HBP1: variants seen among roughly 807,000 people sequenced by gnomAD.
The protein encoded by HBP1 is HMG box-containing protein 1.
In HBP1, 20 loss-of-function variants were observed where a neutral mutation model predicts 62.6. That is an observed-to-expected ratio of 0.32 (90% confidence interval 0.22 to 0.46). The LOEUF (loss-of-function observed/expected upper bound fraction) is 0.46. Ranked by LOEUF, HBP1 falls within the 20% of genes least tolerant of loss-of-function variation. The pLI is 1.00. For synonymous variants in HBP1, 232 were observed against 206.2 expected, an observed-to-expected ratio of 1.12 and a Z score of -1.07; for missense variants, 480 against 611.8, an observed-to-expected ratio of 0.78 and a Z score of 2.27.
At chr7:107,193,149 T>G (rs967696185) in intron 8 of HBP1, 2 of 152,200 alleles carry the variant, frequency 1.3e-5, no homozygotes, top group African/African-American at 4.8e-5. Context: ...CTTCTAGGCC[T>G]CAGGCGGGTT....
At chr7:107,189,854 T>G (rs143980656) in intron 7 of HBP1, 8 of 247,988 alleles carry the variant, frequency 3.2e-5, no homozygotes, top group Non-Finnish European at 4.6e-5. Context: ...TTTCATGGTC[T>G]CAGTCATTTA....
At chr7:107,195,370 C>G (rs1797843298) in intron 8 of HBP1, among the ~76,000 whole-genome samples, 1 of 152,108 alleles carries the variant, frequency 6.6e-6, no homozygotes. Flanking sequence ...CTTTCCCAAC[C>G]ATTTGTTTTC....
In HBP1 at chr7:107,186,462, T is replaced by G; in HGVS notation, c.642T>G (p.Cys214Trp). 6.2e-7 allele frequency: 1 copy of G among 1,608,000 alleles called. No homozygotes were observed. The highest frequency in any genetic ancestry group is 8.5e-7 in the Non-Finnish European group (1 of 1,175,390). ...CCTGGCCTTCAACTGTCTGGCACTG[T>G]TTTTTGAAAGGTAAAACAAACAAAC... ...CNSWPSTVWH[C>W]FLKGTRLCFH... Residue 214 changes from cysteine to tryptophan, a missense_variant, in exon 5 of 11, where the codon TGT (cysteine) becomes TGG (tryptophan). By Grantham distance (215) the Cys-to-Trp change is radical. Transcript: ENST00000222574.
chr7:107,181,892 A>C (rs776754231), intron 2 of HBP1, among the ~76,000 whole-genome samples: 1 of 152,116 alleles, frequency 6.6e-6, no homozygotes, highest in Non-Finnish European at 1.5e-5. Context: ...TTAGGAATGC[A>C]CTTATAGGAA....
At chr7:107,197,873 G>C (rs1798001397) in intron 9 of HBP1, among the ~76,000 whole-genome samples, 1 of 152,200 alleles carries the variant, frequency 6.6e-6, no homozygotes, top group Non-Finnish European at 1.5e-5. Context: ...AGAGTAATTT[G>C]TACCTTTCCC....
rs201048018 is a variant in HBP1, at chr7:107,195,815, A to T, written c.1068-19A>T. The T allele has an allele frequency of 1.1e-4, 130 of 1,134,072 alleles. 1 individual carries two copies. Among genetic ancestry groups the T allele is most frequent in the East Asian group, 3.5e-4 (13 of 37,588 alleles). 70.3% of individuals were successfully genotyped at this position (1,134,072 alleles called of 1,614,324 possible). Reference sequence around the variant, plus strand: ...TTCAAAATTGAATTAAAATATTATTATTTTTTTTAATTTTATAGCTATGAC... The same window carrying T: ...TTCAAAATTGAATTAAAATATTATTTTTTTTTTTAATTTTATAGCTATGAC... On this transcript the variant is annotated intron_variant, in intron 8 of 10. Coordinates refer to ENST00000222574, the MANE Select transcript of HBP1 (RefSeq NM_012257.4).
chr7:107,173,805 A>T (rs1796715115), intron 1 of HBP1, among the ~76,000 whole-genome samples: 1 of 152,258 alleles, frequency 6.6e-6, no homozygotes, highest in Non-Finnish European at 1.5e-5. Context: ...AGAATCACTG[A>T]TCTCGTGAAG....
intron 1 of HBP1, chr7:107,169,872 C>G: frequency 1.0e-6 from 1 of 985,518 alleles, no homozygotes; most frequent in Non-Finnish European, 1.2e-6. Flanking sequence ...TTGGCGTGAA[C>G]CGGGAGGCAC....
Position 107,185,789 on chromosome 7 carries a change from G to C in HBP1, c.399-12G>C. On this transcript the variant is annotated splice_polypyrimidine_tract_variant and intron_variant, in intron 3 of 10. Transcript: ENST00000222574. ...ACCTATGCTTATGGTTGAAACTGTT[G>C]CTTTATTTTAGATCATCTCCTGTAC... 1.2e-6 allele frequency: 2 copies of C among 1,607,554 alleles called. No homozygotes were observed. Among genetic ancestry groups the C allele is most frequent in the Non-Finnish European group, 1.7e-6 (2 of 1,175,084 alleles).
intron 3 of HBP1, among the ~76,000 whole-genome samples, chr7:107,184,477 A>G (rs1243213654): frequency 6.6e-6 from 1 of 152,212 alleles, no homozygotes; most frequent in Non-Finnish European, 1.5e-5. Context: ...CTCAGGGAAT[A>G]AGGGAAAAAT....
chr7:107,193,001 C>T (rs1797726631), intron 8 of HBP1: 1 of 152,154 alleles, frequency 6.6e-6, no homozygotes, highest in Non-Finnish European at 1.5e-5. Context: ...ATTCTCGGGT[C>T]ATGGTTTACA....
At chr7:107,175,240 G>C (rs1012734535) in intron 1 of HBP1, among the ~76,000 whole-genome samples, 3 of 151,954 alleles carry the variant, frequency 2.0e-5, no homozygotes, top group African/African-American at 7.2e-5. Flanking sequence ...TTCATTGTCT[G>C]ATAATTGCTA....
Position 107,184,955 on chromosome 7 carries a change from T to G in HBP1, c.399-846T>G, listed in dbSNP as rs570276159. Among the ~76,000 whole-genome samples the G allele has an allele frequency of 8.5e-5, 13 of 152,364 alleles. No individual in the cohort carries two copies. In the South Asian group the frequency reaches 1.4e-3, roughly 17 times the overall value. ...TGGTTTTCCCTCCTCCACCTGGCTG[T>G]CTTCCTCTCTGCTTCCTTTCCAGAC... On this transcript the variant is annotated intron_variant, in intron 3 of 10. Transcript: ENST00000222574.
At chr7:107,183,527 TC>T in intron 3 of HBP1, among the ~76,000 whole-genome samples, 1 of 152,318 alleles carries the variant, frequency 6.6e-6, no homozygotes, top group Non-Finnish European at 1.5e-5. Context: ...AAAGAAAACT[TC>T]CTTTCAGAGT....
chr7:107,171,721 A>C (rs571503143), intron 1 of HBP1, among the ~76,000 whole-genome samples: 1 of 151,930 alleles, frequency 6.6e-6, no homozygotes, highest in Non-Finnish European at 1.5e-5. Context: ...TTAGCTGGGC[A>C]TGGTGGCGCA....
chr7:107,170,196 G>A, intron 1 of HBP1: 1 of 933,642 alleles, frequency 1.1e-6, no homozygotes, highest in Non-Finnish European at 1.3e-6. Context: ...AGGACGAGAG[G>A]AGGCTTAGAA....
intron 9 of HBP1, among the ~76,000 whole-genome samples, chr7:107,198,938 CAT>C (rs1460600732): frequency 6.6e-6 from 1 of 152,152 alleles, no homozygotes; most frequent in Non-Finnish European, 1.5e-5. Flanking sequence ...AAAAACATCT[CAT>C]GTTCTTTCCT....
At chr7:107,198,385 G>C (rs1317813477) in intron 9 of HBP1, among the ~76,000 whole-genome samples, 1 of 151,696 alleles carries the variant, frequency 6.6e-6, no homozygotes, top group Admixed American at 6.6e-5. Context: ...ATTTTTTGTA[G>C]TTTTAGTAGA....
intron 8 of HBP1, among the ~76,000 whole-genome samples, chr7:107,194,732 A>G (rs1797808716): frequency 6.6e-6 from 1 of 152,200 alleles, no homozygotes; most frequent in Admixed American, 6.5e-5. Flanking sequence ...CAGGGAAGGA[A>G]GTAGGAGCTA....
Sources: gnomAD v4.1 joint callset for allele counts (sites outside exome capture counted in the v4.1 genomes callset) on GRCh38, gnomAD v4.1.1 for gene constraint, MANE v1.5 for transcripts, NCBI Gene and HGNC (gene_info 2026-07-23, HGNC 2026-07-21) for gene names.